DCAF13: variants seen among roughly 807,000 people sequenced by gnomAD.
DCAF13 encodes DDB1 and CUL4 associated factor 13.
In DCAF13, 38 loss-of-function variants were observed where a neutral mutation model predicts 59.0. That is an observed-to-expected ratio of 0.64 (90% CI 0.50 to 0.84). DCAF13 has a LOEUF of 0.84. DCAF13 is among the 40% of genes least tolerant of loss of function. DCAF13 has a pLI of 0.00. For synonymous variants in DCAF13, 173 were observed against 175.0 expected (o/e 0.99, Z 0.09); for missense variants, 469 against 558.4 (o/e 0.84, Z 1.61).
chr8:103,440,008 C>G (rs1816986337), intron 8 of DCAF13, 128 bp from the exon 9 acceptor site: 1 of 699,064 alleles, frequency 1.4e-6, no homozygotes, highest in Admixed American at 3.5e-5. Context: ...AATACATTGA[C>G]AAGAATTTGA....
intron 3 of DCAF13, among the ~76,000 whole-genome samples, chr8:103,423,014 AT>A (rs1816742520): frequency 6.6e-6 from 1 of 152,056 alleles, no homozygotes; most frequent in South Asian, 2.1e-4. Flanking sequence ...AAAAAAACTT[AT>A]TTGCTGTCAA....
At chr8:103,425,926 A>C (rs967919480) in intron 3 of DCAF13, 130 bp from the exon 4 acceptor site, 2 of 651,852 alleles carry the variant, frequency 3.1e-6, no homozygotes, top group Non-Finnish European at 5.6e-6. Context: ...AAATGGATCA[A>C]TAAGTGTAAT....
rs897044492 is a variant in DCAF13 at position 103,419,135 on chromosome 8, C to T, written c.71-1129C>T. ...TCCTGACCTCGTGATCCGTCCGTCC[C>T]GGCCCCCCAAAGTGCTGGGATTACA... On this transcript the variant is annotated intron_variant, in intron 1 of 10. Transcript: ENST00000612750. 4.0e-5 allele frequency among the ~76,000 whole-genome samples: 6 copies of T among 151,716 alleles called. No homozygotes were observed. The South Asian group carries it at 8.3e-4, about 21-fold the overall frequency.
At chr8:103,421,442 T>C (rs965403237) in intron 3 of DCAF13, among the ~76,000 whole-genome samples, 1 of 152,190 alleles carries the variant, frequency 6.6e-6, no homozygotes, top group African/African-American at 2.4e-5. Flanking sequence ...TGGCAAGATA[T>C]CCGGAACGTA....
chr8:103,417,194 A>G (rs568618279), intron 1 of DCAF13, among the ~76,000 whole-genome samples: 2 of 152,214 alleles, frequency 1.3e-5, no homozygotes, highest in Non-Finnish European at 2.9e-5. Flanking sequence ...AATTGATTCC[A>G]GTATGCAACC....
At chr8:103,440,440 C>A in intron 9 of DCAF13, 169 bp downstream of exon 9, 1 of 533,886 alleles carries the variant, frequency 1.9e-6, no homozygotes, top group Non-Finnish European at 3.1e-6. Flanking sequence ...TTATTTGCTT[C>A]ATTCTGATCT....
rs1586136801 is a variant in DCAF13 at position 103,442,697 on chromosome 8, G to GT, written c.1251-93dup. On this transcript the variant is annotated intron_variant, in intron 10 of 10. Transcript: ENST00000612750. ...CGTGAAAATATTTTTTTAAATAGGT[G>GT]TTTTTCTAGTGAAAGAAAATGCTTT... is the stretch of plus-strand genomic sequence containing the variant. 6.5e-5 allele frequency: 48 copies of GT among 742,402 alleles called. No individual in the cohort carries two copies. The East Asian group carries it at 1.4e-3, about 22-fold the overall frequency. 46.0% of individuals were successfully genotyped at this position (742,402 alleles called of 1,614,324 possible).
rs77139843 is a variant in DCAF13 at position 103,422,216 on chromosome 8, A to G, written c.378+1134A>G. ...TACCAGCAAGTTTTGAAGGGTGGCA[A>G]TGGGAAGGATATGATGTGACAAACT... On this transcript the variant is annotated intron_variant, in intron 3 of 10. Transcript: ENST00000612750. Among the ~76,000 whole-genome samples, 916 of 152,230 alleles carry G rather than the reference A, an allele frequency of 6.0e-3. 5 individuals are homozygous for G. Among genetic ancestry groups the G allele is most frequent in the Non-Finnish European group, 0.011 (727 of 68,006 alleles).
At chr8:103,418,850 ATATATATATATATATATTTTTTTT>A (rs1816670023) in intron 1 of DCAF13, among the ~76,000 whole-genome samples, 1 of 17,984 alleles carries the variant, frequency 5.6e-5, no homozygotes, top group Non-Finnish European at 1.0e-4. Context: ...ATATATATAT[ATATATATATATATATATTTTTTTT>A]TTTTTTTTTT....
chr8:103,435,086 A>G (rs1251134977), intron 7 of DCAF13, among the ~76,000 whole-genome samples: 1 of 152,154 alleles, frequency 6.6e-6, no homozygotes, highest in Non-Finnish European at 1.5e-5. Flanking sequence ...AATAAGCATT[A>G]TATATAATAA....
chr8:103,436,055 A>G (rs1167828111), intron 8 of DCAF13, among the ~76,000 whole-genome samples: 2 of 152,188 alleles, frequency 1.3e-5, no homozygotes, highest in Non-Finnish European at 2.9e-5. Flanking sequence ...TGTTTATGTA[A>G]ACATATATAA....
chr8:103,440,011 G>T, intron 8 of DCAF13, 125 bp from the exon 9 acceptor site: 2 of 726,924 alleles, frequency 2.8e-6, no homozygotes, highest in Middle Eastern at 9.1e-4. Flanking sequence ...ACATTGACAA[G>T]AATTTGAGTT....
Position 103,435,801 on chromosome 8 carries a change from A to G in DCAF13, c.950+11A>G. The G allele has an allele frequency of 6.2e-7, 1 of 1,612,690 alleles. No homozygotes were observed. The highest frequency in any genetic ancestry group is 8.5e-7 in the Non-Finnish European group (1 of 1,179,320). On this transcript the variant is annotated intron_variant, in intron 8 of 10. Coordinates refer to ENST00000612750, the MANE Select transcript of DCAF13 (RefSeq NM_015420.7). Reference sequence around the variant, plus strand: ...CAAAAGTCGAAGCAGGTATGTGCCTACCAGTAAGCCATTTATATTCATATG... The same window carrying G: ...CAAAAGTCGAAGCAGGTATGTGCCTGCCAGTAAGCCATTTATATTCATATG...
rs1816923294 is a variant in DCAF13 at position 103,435,689 on chromosome 8, T to A, written c.849T>A (p.Ser283=). 1 of 1,612,884 alleles carries A rather than the reference T, an allele frequency of 6.2e-7. No homozygotes were observed. The highest frequency in any genetic ancestry group is 8.5e-7 in the Non-Finnish European group (1 of 1,179,262). The change falls in exon 8 of 11, where the codon TCT becomes TCA. Residue 283 remains serine, a synonymous_variant. Coordinates refer to ENST00000612750, the MANE Select transcript of DCAF13 (RefSeq NM_015420.7). ...TPVMVHMDHV[S]AVLDVDYSPT... ...TAATGGTCCATATGGATCATGTATC[T>A]GCAGTGCTTGATGTGGATTACTCTC...
chr8:103,435,930 G>A (rs747047776), intron 8 of DCAF13, 140 bp downstream of exon 8: 10 of 806,134 alleles, frequency 1.2e-5, no homozygotes, highest in South Asian at 1.6e-5. Context: ...ATGGTATAAC[G>A]TGTTGCACAC....
At chr8:103,433,387 T>C (rs551445591) in intron 7 of DCAF13, among the ~76,000 whole-genome samples, 13 of 152,230 alleles carry the variant, frequency 8.5e-5, no homozygotes, top group African/African-American at 2.4e-4. Context: ...TTTTAAGATA[T>C]TAAAGCGGGG....
At chr8:103,419,502 C>G (rs541677277) in intron 1 of DCAF13, among the ~76,000 whole-genome samples, 1 of 152,298 alleles carries the variant, frequency 6.6e-6, no homozygotes, top group Non-Finnish European at 1.5e-5. Flanking sequence ...ATAATATCAT[C>G]ATAATCACAA....
At chr8:103,438,650 T>C (rs957752054) in intron 8 of DCAF13, among the ~76,000 whole-genome samples, 1 of 152,084 alleles carries the variant, frequency 6.6e-6, no homozygotes, top group Non-Finnish European at 1.5e-5. Flanking sequence ...AGTAATCCTC[T>C]CACCAAAGTA....
At chr8:103,425,996 C>T (rs957447338) in intron 3 of DCAF13, 60 bp from the exon 4 acceptor site, 1 of 1,180,654 alleles carries the variant, frequency 8.5e-7, no homozygotes, top group African/African-American at 1.5e-5. Flanking sequence ...TATGTGTTGG[C>T]AAGTTTTAAT....
Sources: allele counts gnomAD v4.1 joint callset (sites outside exome capture counted in the v4.1 genomes callset), GRCh38; gene constraint gnomAD v4.1.1; transcripts MANE v1.5; gene names NCBI Gene and HGNC (gene_info 2026-07-23, HGNC 2026-07-21).